SNTB2: variants seen among roughly 807,000 people sequenced by gnomAD.
SNTB2 encodes the protein syntrophin beta 2, also known as beta-2-syntrophin.
Under a neutral mutation model 46.2 loss-of-function variants are expected in SNTB2, and 34 were observed. The ratio of observed to expected loss-of-function variants is 0.74; its 90% confidence interval spans 0.56 to 0.98. SNTB2 has a LOEUF of 0.98. Ranked by LOEUF, SNTB2 falls within the 50% of genes least tolerant of loss-of-function variation. SNTB2 has a pLI of 0.00. For synonymous variants in SNTB2, 290 were observed against 312.6 expected (o/e 0.93, Z 0.76); for missense variants, 603 against 731.4 (o/e 0.82, Z 2.02).
In SNTB2 at chr16:69,304,375, AC is replaced by A. The variant is rs1965300037; in HGVS notation, c.*3453del. 1 of 152,632 alleles carries A rather than the reference AC, an allele frequency of 6.6e-6. No homozygotes were observed. Among genetic ancestry groups the A allele is most frequent in the South Asian group, 2.1e-4 (1 of 4,832 alleles). 9.5% of individuals were successfully genotyped at this position (152,632 alleles called of 1,614,324 possible). On this transcript the variant is annotated 3_prime_UTR_variant, in exon 7 of 7. Coordinates refer to ENST00000336278, the MANE Select transcript of SNTB2 (RefSeq NM_006750.4). ...AAAAATACTACTTTAAATGTCATTC[AC>A]CTATTTTAAAGCCATGTTTTAGCAC...
In SNTB2 at chr16:69,285,495, A is replaced by ATTT. The variant is rs1555500927; in HGVS notation, c.1345+1251_1345+1252insTTT. ...TATTTATTTATTTATTTATTTATTT[A>ATTT]AAGAGACAGGGTCTAGCTCTGTCAC... On this transcript the variant is annotated intron_variant, in intron 5 of 6. Coordinates refer to ENST00000336278, the MANE Select transcript of SNTB2 (RefSeq NM_006750.4). 9.8e-4 allele frequency among the ~76,000 whole-genome samples: 145 copies of ATTT among 147,574 alleles called. 3 individuals carry two copies. The South Asian group carries it at 0.014, about 14-fold the overall frequency.
intron 1 of SNTB2, chr16:69,240,703 A>T (rs1030380850): frequency 1.3e-5 from 2 of 152,264 alleles, no homozygotes; most frequent in Admixed American, 1.3e-4. Context: ...AAAAGGTAAG[A>T]GTTAGAGATA....
At chr16:69,268,590 C>T (rs9940718) in intron 3 of SNTB2, among the ~76,000 whole-genome samples, 3,796 of 152,242 alleles carry the variant, frequency 0.025, 162 homozygotes, top group African/African-American at 0.085. Flanking sequence ...TGAGGCCAGG[C>T]GCGTTGGCTC....
chr16:69,206,807 C>T (rs1964224279), intron 1 of SNTB2, among the ~76,000 whole-genome samples: 1 of 151,420 alleles, frequency 6.6e-6, no homozygotes. Flanking sequence ...CTCTTGTTGC[C>T]CAGGCTGGAG....
rs530218880 is a variant in SNTB2, at chr16:69,231,975, T to C, written c.581-13627T>C. The stretch of plus-strand genomic sequence containing the variant: ...GAACTAGTTTACCATATTAGATCAG[T>C]AGTTAAAGAAGTTTACCAAGGGGAA... On this transcript the variant is annotated intron_variant, in intron 1 of 6. Transcript: ENST00000336278. Among the ~76,000 whole-genome samples the C allele has an allele frequency of 2.0e-5, 3 of 152,260 alleles. No homozygotes were observed. The East Asian group carries it at 5.8e-4, about 29-fold the overall frequency.
chr16:69,191,495 G>A (rs1310270538), intron 1 of SNTB2, among the ~76,000 whole-genome samples: 2 of 127,318 alleles, frequency 1.6e-5, no homozygotes, highest in Non-Finnish European at 3.3e-5. Context: ...CCAGGAGGTC[G>A]AGGCTACAGT....
At chr16:69,251,486 A>C (rs1470515832) in intron 2 of SNTB2, among the ~76,000 whole-genome samples, 1 of 149,388 alleles carries the variant, frequency 6.7e-6, no homozygotes, top group African/African-American at 2.4e-5. Flanking sequence ...AAAAAAAAAA[A>C]AAAAAAACTA....
At chr16:69,204,986 C>G (rs1292619379) in intron 1 of SNTB2, among the ~76,000 whole-genome samples, 1 of 152,016 alleles carries the variant, frequency 6.6e-6, no homozygotes, top group Non-Finnish European at 1.5e-5. Context: ...CTTTGTTTCC[C>G]TAATGTTATA....
chr16:69,281,495 T>G (rs117099768), intron 4 of SNTB2, among the ~76,000 whole-genome samples: 125 of 149,088 alleles, frequency 8.4e-4, no homozygotes, highest in African/African-American at 1.6e-3. Context: ...GTTTTTTTTT[T>G]TTTGTTTTTT....
chr16:69,213,370 A>T (rs143858564), intron 1 of SNTB2, among the ~76,000 whole-genome samples: 1 of 152,136 alleles, frequency 6.6e-6, no homozygotes, highest in Admixed American at 6.6e-5. Flanking sequence ...TTTCTTCAGA[A>T]AATGCTTACT....
intron 1 of SNTB2, among the ~76,000 whole-genome samples, chr16:69,191,640 T>C (rs1423471449): frequency 6.6e-6 from 1 of 151,148 alleles, no homozygotes; most frequent in African/African-American, 2.4e-5. Flanking sequence ...CTGGTGTTTT[T>C]TTATTTTGTT....
intron 1 of SNTB2, among the ~76,000 whole-genome samples, chr16:69,197,932 T>A (rs1426811721): frequency 6.6e-6 from 1 of 152,148 alleles, no homozygotes; most frequent in Non-Finnish European, 1.5e-5. Context: ...AAAATACATA[T>A]TTTTTACAAT....
At chr16:69,266,972 A>G (rs563902213) in intron 3 of SNTB2, among the ~76,000 whole-genome samples, 1 of 151,928 alleles carries the variant, frequency 6.6e-6, no homozygotes, top group East Asian at 1.9e-4. Context: ...TGTCAAGATT[A>G]TAAGTGTGAG....
At position 69,292,379 on chromosome 16, in the gene SNTB2, TTA is replaced by T. The variant is rs1350021125; in HGVS notation, c.1346-7201_1346-7200del. Among the ~76,000 whole-genome samples, 17 of 30,302 alleles carry T rather than the reference TTA, an allele frequency of 5.6e-4. 1 individual carries two copies. The highest frequency in any genetic ancestry group is 5.8e-4 in the Non-Finnish European group (11 of 18,942). The allele number at this position is 30,302 out of a possible 152,430, so 19.9% of individuals were successfully genotyped here. ...TTATATATATATATATATATATATA[TTA>T]TATATATATTATATATATATATATA... On this transcript the variant is annotated intron_variant, in intron 5 of 6. Coordinates refer to ENST00000336278, the MANE Select transcript of SNTB2 (RefSeq NM_006750.4).
chr16:69,288,074 G>A (rs1965122926), intron 5 of SNTB2, among the ~76,000 whole-genome samples: 1 of 152,048 alleles, frequency 6.6e-6, no homozygotes, highest in Non-Finnish European at 1.5e-5. Flanking sequence ...GAGGCACGGT[G>A]GCTTACACCA....
At chr16:69,197,846 G>C (rs866699680) in intron 1 of SNTB2, among the ~76,000 whole-genome samples, 43 of 152,270 alleles carry the variant, frequency 2.8e-4, no homozygotes, top group Middle Eastern at 3.4e-3. Context: ...AAAACCACTA[G>C]TAGTGTAGAT....
Position 69,217,881 on chromosome 16 carries a change from A to T in SNTB2, c.581-27721A>T, listed in dbSNP as rs560015177. 5.3e-5 allele frequency among the ~76,000 whole-genome samples: 8 copies of T among 152,134 alleles called. No homozygotes were observed. In the East Asian group the frequency reaches 9.7e-4, roughly 18 times the overall value. On this transcript the variant is annotated intron_variant, in intron 1 of 6. Transcript: ENST00000336278. The stretch of plus-strand genomic sequence containing the variant: ...GGTTGAGAGAGCTGCCTGAAAAAAA[A>T]TTTTTTTTAGGTAAAAATGAACATG...
intron 3 of SNTB2, among the ~76,000 whole-genome samples, chr16:69,266,230 G>A (rs1243450550): frequency 9.2e-5 from 14 of 152,138 alleles, no homozygotes; most frequent in Non-Finnish European, 1.5e-5. Context: ...CGGGCATGGT[G>A]GCGGACGCCT....
At chr16:69,205,296 C>T (rs567810010) in intron 1 of SNTB2, among the ~76,000 whole-genome samples, 36 of 150,592 alleles carry the variant, frequency 2.4e-4, no homozygotes, top group African/African-American at 8.5e-4. Context: ...ACTACAGGCA[C>T]GCGCCACCAC....
Sources: allele counts gnomAD v4.1 joint callset (sites outside exome capture counted in the v4.1 genomes callset), GRCh38; gene constraint gnomAD v4.1.1; transcripts MANE v1.5; gene names NCBI Gene and HGNC (gene_info 2026-07-23, HGNC 2026-07-21).